Variants in KIAA1217 observed in about 807,000 individuals in gnomAD.
KIAA1217 encodes the protein KIAA1217.
In KIAA1217, 88 loss-of-function variants were observed where a neutral mutation model predicts 163.9. The ratio of observed to expected loss-of-function variants is 0.54; its 90% confidence interval spans 0.45 to 0.64. The LOEUF (loss-of-function observed/expected upper bound fraction) is 0.64, where lower values mean the gene tolerates loss of function less well. Among genes scored for constraint, KIAA1217 ranks in the 30% least tolerant of loss-of-function variants. The pLI is 0.00. For missense variants in KIAA1217, 2,372 were observed against 2,475.0 expected, an observed-to-expected ratio of 0.96 and a Z score of 0.88; for synonymous variants, 903 against 923.1, an observed-to-expected ratio of 0.98 and a Z score of 0.39.
chr10:24,475,152 G>A (rs2063870413), intron 6 of KIAA1217, among the ~76,000 whole-genome samples: 1 of 152,212 alleles, frequency 6.6e-6, no homozygotes, highest in East Asian at 1.9e-4. Flanking sequence ...CTGGGAGGTG[G>A]AGGTTGCAGT....
intron 2 of KIAA1217, among the ~76,000 whole-genome samples, chr10:24,271,284 T>G (rs1158987716): frequency 6.6e-6 from 1 of 152,168 alleles, no homozygotes. Context: ...AACATTGAAC[T>G]TAGTAATCAC....
intron 2 of KIAA1217, among the ~76,000 whole-genome samples, chr10:24,061,997 T>C (rs2060740597): frequency 6.6e-6 from 1 of 152,102 alleles, no homozygotes; most frequent in Non-Finnish European, 1.5e-5. Flanking sequence ...CATCTTTATC[T>C]GGAACCTCCA....
At chr10:24,093,722 C>T (rs1034299881) in intron 2 of KIAA1217, among the ~76,000 whole-genome samples, 1 of 150,550 alleles carries the variant, frequency 6.6e-6, no homozygotes, top group African/African-American at 2.5e-5. Context: ...CATATGTATA[C>T]ATGTGCCATG....
intron 2 of KIAA1217, among the ~76,000 whole-genome samples, chr10:24,254,935 C>G (rs1358605393): frequency 6.6e-6 from 1 of 151,892 alleles, no homozygotes; most frequent in African/African-American, 2.4e-5. Flanking sequence ...CTCACAGCAA[C>G]CTCTGCCTCC....
chr10:24,429,490 C>T (rs1051530823), intron 3 of KIAA1217, among the ~76,000 whole-genome samples: 1 of 152,164 alleles, frequency 6.6e-6, no homozygotes, highest in African/African-American at 2.4e-5. Context: ...GCTCTTCTCT[C>T]TTTTCCCATC....
chr10:24,054,970 A>G (rs911752452), intron 2 of KIAA1217, among the ~76,000 whole-genome samples: 2 of 152,168 alleles, frequency 1.3e-5, no homozygotes, highest in African/African-American at 4.8e-5. Flanking sequence ...TACTCCAAAT[A>G]AGAATTTTCT....
chr10:23,878,081 T>G (rs1176217474), intron 1 of KIAA1217, among the ~76,000 whole-genome samples: 3 of 151,860 alleles, frequency 2.0e-5, no homozygotes, highest in Admixed American at 6.6e-5. Flanking sequence ...TTTTTTTTCT[T>G]GGCAGGGAGG....
intron 2 of KIAA1217, among the ~76,000 whole-genome samples, chr10:24,263,234 G>T (rs2075892819): frequency 6.6e-6 from 1 of 152,162 alleles, no homozygotes; most frequent in Non-Finnish European, 1.5e-5. Context: ...CTTTCCAGTT[G>T]TACTTCCTTA....
intron 3 of KIAA1217, among the ~76,000 whole-genome samples, chr10:24,401,836 C>A (rs56788399): frequency 6.6e-6 from 1 of 151,822 alleles, no homozygotes; most frequent in African/African-American, 2.4e-5. Flanking sequence ...TGCACCAAAA[C>A]AACTCTCCTA....
chr10:24,538,260 G>T (rs1022552840), intron 17 of KIAA1217, among the ~76,000 whole-genome samples: 1 of 152,212 alleles, frequency 6.6e-6, no homozygotes, highest in South Asian at 2.1e-4. Flanking sequence ...CTTCCCCCTG[G>T]CTCATAACCA....
chr10:24,520,639 A>ATATATATAT (rs1564847996), intron 11 of KIAA1217, among the ~76,000 whole-genome samples: 5 of 56,638 alleles, frequency 8.8e-5, no homozygotes, highest in African/African-American at 3.2e-4. Flanking sequence ...AAAAAAAAAA[A>ATATATATAT]AAAAAAAAAA....
chr10:24,497,072 C>A (rs1290857213), intron 8 of KIAA1217, among the ~76,000 whole-genome samples: 3 of 152,198 alleles, frequency 2.0e-5, no homozygotes, highest in African/African-American at 7.2e-5. Context: ...TCCACAGGGG[C>A]TTCGTTGCCA....
At chr10:24,185,993 A>C (rs2066411403) in intron 2 of KIAA1217, among the ~76,000 whole-genome samples, 2 of 152,100 alleles carry the variant, frequency 1.3e-5, no homozygotes, top group Admixed American at 6.6e-5. Context: ...CATTTGAAAA[A>C]TGAGGAAAAT....
intron 2 of KIAA1217, among the ~76,000 whole-genome samples, chr10:24,352,674 T>C (rs538033463): frequency 3.3e-4 from 50 of 152,126 alleles, no homozygotes; most frequent in Admixed American, 1.6e-3. Flanking sequence ...GACAGGCAAG[T>C]GGGATTTATT....
At chr10:23,898,961 G>A (rs1377437738) in intron 1 of KIAA1217, among the ~76,000 whole-genome samples, 3 of 152,036 alleles carry the variant, frequency 2.0e-5, no homozygotes, top group African/African-American at 7.2e-5. Flanking sequence ...TTATACCCAT[G>A]GGCTAAACTG....
intron 2 of KIAA1217, among the ~76,000 whole-genome samples, chr10:24,160,225 C>T (rs927027498): frequency 7.9e-5 from 12 of 152,098 alleles, no homozygotes; most frequent in Admixed American, 1.3e-4. Flanking sequence ...ATTTTGATAT[C>T]ATTTAAAAAG....
intron 5 of KIAA1217, among the ~76,000 whole-genome samples, chr10:24,446,576 T>C (rs1293761032): frequency 1.3e-5 from 2 of 152,078 alleles, no homozygotes; most frequent in Non-Finnish European, 2.9e-5. Context: ...CCCACAGAAA[T>C]GGAAGTTTCA....
intron 2 of KIAA1217, among the ~76,000 whole-genome samples, chr10:24,087,911 T>C (rs1161713070): frequency 1.4e-5 from 1 of 73,466 alleles, no homozygotes; most frequent in East Asian, 2.1e-4. Flanking sequence ...ATCAGAGCTG[T>C]GGTGGCCTCC....
intron 5 of KIAA1217, among the ~76,000 whole-genome samples, chr10:24,472,449 A>C (rs917970256): frequency 6.6e-6 from 1 of 152,148 alleles, no homozygotes; most frequent in African/African-American, 2.4e-5. Context: ...GATTGTATCC[A>C]CTTTGAAAGA....
Sources: gnomAD v4.1 joint callset for allele counts (sites outside exome capture counted in the v4.1 genomes callset) on GRCh38, gnomAD v4.1.1 for gene constraint, MANE v1.5 for transcripts, NCBI Gene and HGNC (gene_info 2026-07-23, HGNC 2026-07-21) for gene names.